TRHDE: variants seen among roughly 807,000 people sequenced by gnomAD.
The protein encoded by TRHDE is thyrotropin-releasing hormone-degrading ectoenzyme.
In TRHDE, 72 loss-of-function variants were observed where a neutral mutation model predicts 125.7. The observed-to-expected ratio is 0.57, with a 90% CI of 0.47 to 0.70. The LOEUF is 0.70. Ranked by LOEUF, TRHDE falls within the 30% of genes least tolerant of loss-of-function variation. TRHDE has a pLI of 0.00. For synonymous variants in TRHDE, 509 were observed against 509.1 expected (o/e 1.00, Z 0.00); for missense variants, 1,110 against 1,327.1 (o/e 0.84, Z 2.54).
chr12:72,609,363 T>G (rs1454577514), intron 12 of TRHDE, among the ~76,000 whole-genome samples: 5 of 152,214 alleles, frequency 3.3e-5, no homozygotes, highest in African/African-American at 1.2e-4. Flanking sequence ...AAAATATTAT[T>G]AGAACCAATC....
At chr12:72,291,095 C>T (rs924532296) in intron 2 of TRHDE, among the ~76,000 whole-genome samples, 2 of 152,194 alleles carry the variant, frequency 1.3e-5, no homozygotes, top group Non-Finnish European at 1.5e-5. Context: ...CCCATTACAA[C>T]ATCAGGCTCA....
chr12:72,175,371 AG>A (rs1876964860), intron 2 of TRHDE, among the ~76,000 whole-genome samples: 1 of 152,176 alleles, frequency 6.6e-6, no homozygotes, highest in Non-Finnish European at 1.5e-5. Context: ...TGTTTGCAAA[AG>A]GGCCTCAATG....
chr12:72,616,482 A>G (rs1446617984), intron 12 of TRHDE, among the ~76,000 whole-genome samples: 1 of 152,038 alleles, frequency 6.6e-6, no homozygotes, highest in Non-Finnish European at 1.5e-5. Context: ...GGAGAGATAA[A>G]TTATTTGCCT....
intron 2 of TRHDE, among the ~76,000 whole-genome samples, chr12:72,133,701 C>T (rs1242034149): frequency 6.6e-6 from 1 of 152,190 alleles, no homozygotes; most frequent in East Asian, 1.9e-4. Context: ...AAAGGCTGCC[C>T]ATCTCCTGAC....
In TRHDE at chr12:72,160,046, C is replaced by T. The variant is rs367819836; in HGVS notation, n.279+54294C>T. On this transcript the variant is annotated intron_variant and non_coding_transcript_variant, in intron 2 of 4. Transcript: ENST00000548156. Reference sequence around the variant, plus strand: ...CTCTTCTTCTACCATTCATGCCATGCTTTTATTTTTTCTTCTTTAAGGGGA... The same window carrying T: ...CTCTTCTTCTACCATTCATGCCATGTTTTTATTTTTTCTTCTTTAAGGGGA... 3.9e-5 allele frequency among the ~76,000 whole-genome samples: 6 copies of T among 152,240 alleles called. No individual in the cohort carries two copies. The South Asian group carries it at 8.3e-4, about 21-fold the overall frequency.
At chr12:72,373,848 G>T (rs773855459) in intron 2 of TRHDE, among the ~76,000 whole-genome samples, 3 of 152,152 alleles carry the variant, frequency 2.0e-5, no homozygotes, top group Non-Finnish European at 2.9e-5. Context: ...TGAATCCAGA[G>T]AGCTAAAAGG....
At chr12:72,466,276 T>C (rs193003521) in intron 3 of TRHDE, among the ~76,000 whole-genome samples, 5 of 152,204 alleles carry the variant, frequency 3.3e-5, no homozygotes, top group African/African-American at 1.2e-4. Context: ...TAGAGTCTTC[T>C]TCCTGTGCTA....
At position 72,637,203 on chromosome 12, in the gene TRHDE, G is replaced by A. The variant is rs1037781489; in HGVS notation, c.2676-15119G>A. Among the ~76,000 whole-genome samples the A allele has an allele frequency of 3.3e-5, 5 of 152,240 alleles. No individual in the cohort carries two copies. The South Asian group carries it at 8.3e-4, about 25-fold the overall frequency. Reference sequence around the variant, plus strand: ...AGATCCTGTTATTGGTCTATTCAGAGATTCAACTTCTTCCTGGTTTAGTCT... The same window carrying A: ...AGATCCTGTTATTGGTCTATTCAGAAATTCAACTTCTTCCTGGTTTAGTCT... On this transcript the variant is annotated intron_variant, in intron 15 of 18. Transcript: ENST00000261180.
intron 2 of TRHDE, among the ~76,000 whole-genome samples, chr12:72,122,547 C>A (rs1875609505): frequency 6.6e-6 from 1 of 151,988 alleles, no homozygotes; most frequent in Non-Finnish European, 1.5e-5. Context: ...TAAATGATTT[C>A]TAGAGAGTTT....
intron 6 of TRHDE, among the ~76,000 whole-genome samples, chr12:72,528,890 A>G (rs1249018716): frequency 1.3e-5 from 2 of 152,192 alleles, no homozygotes; most frequent in Non-Finnish European, 2.9e-5. Context: ...AAAGATTTTT[A>G]GCACTTTTAA....
At chr12:72,626,899 A>C (rs908836458) in intron 15 of TRHDE, among the ~76,000 whole-genome samples, 1 of 151,906 alleles carries the variant, frequency 6.6e-6, no homozygotes, top group African/African-American at 2.4e-5. Flanking sequence ...TTATGTTTCC[A>C]AGTTGGTGTG....
chr12:72,311,886 T>C (rs1472907691), intron 2 of TRHDE, among the ~76,000 whole-genome samples: 1 of 151,384 alleles, frequency 6.6e-6, no homozygotes, highest in Non-Finnish European at 1.5e-5. Flanking sequence ...GTACTTTCCT[T>C]CCAGAAAGGA....
At chr12:72,389,538 G>A (rs1250569401) in intron 3 of TRHDE, among the ~76,000 whole-genome samples, 1 of 152,190 alleles carries the variant, frequency 6.6e-6, no homozygotes, top group Non-Finnish European at 1.5e-5. Flanking sequence ...CGCTGGTGGG[G>A]TCAGGCTCTG....
At chr12:72,498,032 A>G (rs1261795125) in intron 5 of TRHDE, among the ~76,000 whole-genome samples, 1 of 152,152 alleles carries the variant, frequency 6.6e-6, no homozygotes, top group African/African-American at 2.4e-5. Flanking sequence ...TGGGACTCAA[A>G]GCGTGATTTG....
chr12:72,104,446 A>G (rs1178533792), intron 1 of TRHDE, among the ~76,000 whole-genome samples: 1 of 152,344 alleles, frequency 6.6e-6, no homozygotes, highest in East Asian at 1.9e-4. Flanking sequence ...GCTCTAAATT[A>G]AAGTTAGAAA....
intron 2 of TRHDE, among the ~76,000 whole-genome samples, chr12:72,329,931 G>A (rs1869508375): frequency 6.6e-6 from 1 of 152,052 alleles, no homozygotes; most frequent in Non-Finnish European, 1.5e-5. Flanking sequence ...GAAACATAAG[G>A]GAATCAGAGA....
chr12:72,146,701 C>T (rs958844640), intron 2 of TRHDE, among the ~76,000 whole-genome samples: 2 of 152,236 alleles, frequency 1.3e-5, no homozygotes, highest in African/African-American at 2.4e-5. Context: ...TCCCGTGTTA[C>T]AAAGCTCTTT....
At chr12:72,497,924 T>A (rs534885568) in intron 5 of TRHDE, among the ~76,000 whole-genome samples, 1 of 152,198 alleles carries the variant, frequency 6.6e-6, no homozygotes, top group Non-Finnish European at 1.5e-5. Flanking sequence ...AGGAAATTGG[T>A]TTGAGAAGAA....
At chr12:72,372,453 A>T (rs1023474646) in intron 2 of TRHDE, among the ~76,000 whole-genome samples, 1 of 152,180 alleles carries the variant, frequency 6.6e-6, no homozygotes, top group Admixed American at 6.5e-5. Context: ...TTTAGACATG[A>T]AGTCTTTGCC....
Sources: gnomAD v4.1 joint callset for allele counts (sites outside exome capture counted in the v4.1 genomes callset) on GRCh38, gnomAD v4.1.1 for gene constraint, MANE v1.5 for transcripts, NCBI Gene and HGNC (gene_info 2026-07-23, HGNC 2026-07-21) for gene names.